The following MBD5 variants were observed in gnomAD, a reference collection of about 807,000 sequenced individuals.
MBD5 encodes the protein methyl-CpG-binding domain protein 5.
In MBD5, 13 loss-of-function variants were observed where a neutral mutation model predicts 117.3. The ratio of observed to expected loss-of-function variants is 0.11; its 90% confidence interval spans 0.07 to 0.18. MBD5 has a LOEUF of 0.18. MBD5 is among the 10% of genes least tolerant of loss of function. The probability of loss-of-function intolerance (pLI) is 1.00; values close to 1 mark genes in which losing one functional copy is unlikely to be tolerated. For missense variants in MBD5, 1,879 were observed against 2,093.8 expected, an observed-to-expected ratio of 0.90 and a Z score of 2.00; for synonymous variants, 727 against 766.4, an observed-to-expected ratio of 0.95 and a Z score of 0.85.
intron 1 of MBD5, among the ~76,000 whole-genome samples, chr2:148,145,546 TC>T (rs1382911645): frequency 5.3e-5 from 8 of 152,180 alleles, no homozygotes; most frequent in African/African-American, 1.7e-4. Context: ...AGGGAATGCT[TC>T]CAGTTTTTGC....
At chr2:148,050,672 C>T (rs1379947296) in intron 1 of MBD5, among the ~76,000 whole-genome samples, 1 of 152,090 alleles carries the variant, frequency 6.6e-6, no homozygotes, top group Admixed American at 6.5e-5. Context: ...TATATCCCCC[C>T]ATTGAATTGC....
chr2:148,124,340 G>A (rs1574039416), intron 1 of MBD5, among the ~76,000 whole-genome samples: 1 of 151,944 alleles, frequency 6.6e-6, no homozygotes, highest in East Asian at 1.9e-4. Flanking sequence ...TGAAGGTTGG[G>A]CACATTTGCT....
At chr2:148,306,243 T>C (rs1489160303) in intron 3 of MBD5, among the ~76,000 whole-genome samples, 1 of 152,140 alleles carries the variant, frequency 6.6e-6, no homozygotes, top group Non-Finnish European at 1.5e-5. Context: ...CTGTATTCAA[T>C]TGTAAGAACG....
intron 1 of MBD5, among the ~76,000 whole-genome samples, chr2:148,155,300 A>G (rs1697842822): frequency 1.3e-5 from 2 of 152,166 alleles, no homozygotes; most frequent in Admixed American, 1.3e-4. Context: ...CAGGATGAGG[A>G]AACAGCAGCT....
At chr2:148,263,131 C>T (rs1700770928) in intron 3 of MBD5, among the ~76,000 whole-genome samples, 2 of 152,076 alleles carry the variant, frequency 1.3e-5, no homozygotes, top group Non-Finnish European at 2.9e-5. Context: ...TTTTATTCTC[C>T]ATAAATTTTG....
chr2:148,334,363 T>G (rs1051237448), intron 3 of MBD5, among the ~76,000 whole-genome samples: 1 of 152,040 alleles, frequency 6.6e-6, no homozygotes, highest in Non-Finnish European at 1.5e-5. Flanking sequence ...AGACAAGGTC[T>G]CATTCTGTCA....
chr2:148,157,403 G>T (rs1697901193), intron 1 of MBD5, among the ~76,000 whole-genome samples: 1 of 150,910 alleles, frequency 6.6e-6, no homozygotes, highest in Admixed American at 6.7e-5. Context: ...TTAAAAGCAT[G>T]GTATTTTATC....
At chr2:148,454,585 C>G (rs753922006) in intron 4 of MBD5, among the ~76,000 whole-genome samples, 11 of 151,810 alleles carry the variant, frequency 7.2e-5, no homozygotes, top group Non-Finnish European at 1.2e-4. Flanking sequence ...AAAACATAAC[C>G]CAGAAGGATA....
chr2:148,489,756 C>T lies in MBD5; in HGVS notation c.4124C>T (p.Ala1375Val), dbSNP rs767306594. 20 of 1,614,012 alleles carry T rather than the reference C, an allele frequency of 1.2e-5. No homozygotes were observed. Among genetic ancestry groups the T allele is most frequent in the Middle Eastern group, 1.6e-4 (1 of 6,062 alleles). ...DPLNLSSAVS[A>V]VIHGRNMGGV... ...TTAAATCTCTCCAGTGCTGTCAGTG[C>T]GGTCATTCATGGACGGAACATGGGA... Residue 1375 changes from alanine to valine, a missense_variant, in exon 11 of 14, where the codon GCG (alanine) becomes GTG (valine). Around this residue, in one of 4 missense-constraint regions of MBD5, gnomAD observed 1,666 missense variants for 1,792.2 expected, o/e 0.93. Transcript: ENST00000642680.
chr2:148,513,229 G>A lies in MBD5; in HGVS notation c.*288G>A, dbSNP rs886054916. The A allele has an allele frequency of 2.6e-5, 10 of 386,946 alleles. No homozygotes were observed. Among genetic ancestry groups the A allele is most frequent in the Non-Finnish European group, 4.7e-5 (10 of 210,882 alleles). 24.0% of individuals were successfully genotyped at this position (386,946 alleles called of 1,614,324 possible). Reference sequence around the variant, plus strand: ...TACTAAATTGTGATTATAAGAAATAGTCCAAATGTTTCTGAAGAATTTTCA... The same window carrying A: ...TACTAAATTGTGATTATAAGAAATAATCCAAATGTTTCTGAAGAATTTTCA... On this transcript the variant is annotated 3_prime_UTR_variant, in exon 14 of 14. Coordinates refer to ENST00000642680, the MANE Select transcript of MBD5 (RefSeq NM_001378120.1).
chr2:148,435,255 A>G (rs1706120713), intron 4 of MBD5, among the ~76,000 whole-genome samples: 2 of 152,128 alleles, frequency 1.3e-5, no homozygotes, highest in Non-Finnish European at 1.5e-5. Context: ...CATTTCGTCC[A>G]CTTACATTCA....
chr2:148,252,082 G>A (rs1049132362), intron 3 of MBD5, among the ~76,000 whole-genome samples: 4 of 152,118 alleles, frequency 2.6e-5, no homozygotes, highest in East Asian at 1.9e-4. Flanking sequence ...TATCAAGAGC[G>A]TCCAGGAATA....
intron 1 of MBD5, among the ~76,000 whole-genome samples, chr2:148,172,125 G>T (rs1034637655): frequency 2.0e-5 from 3 of 152,196 alleles, no homozygotes; most frequent in South Asian, 4.1e-4. Flanking sequence ...CCCCTGCAAA[G>T]AATCCAGCTG....
intron 2 of MBD5, among the ~76,000 whole-genome samples, chr2:148,229,611 C>G (rs1270081158): frequency 6.6e-6 from 1 of 152,150 alleles, no homozygotes; most frequent in East Asian, 1.9e-4. Context: ...TCTTCACTTT[C>G]TGTACTTACT....
chr2:148,379,895 G>A (rs766928594), intron 4 of MBD5, among the ~76,000 whole-genome samples: 3 of 152,092 alleles, frequency 2.0e-5, no homozygotes, highest in Non-Finnish European at 4.4e-5. Flanking sequence ...AATTTTGTAA[G>A]TCTATTTTTA....
chr2:148,512,840 GT>G (rs756734567), intron 13 of MBD5, 29 bp from the exon 14 acceptor site: 1 of 1,590,178 alleles, frequency 6.3e-7, no homozygotes, highest in East Asian at 2.2e-5. Context: ...CTCTGTTGTT[GT>G]TGTTTTTTTT....
intron 4 of MBD5, among the ~76,000 whole-genome samples, chr2:148,418,104 T>C (rs150867763): frequency 0.011 from 1,678 of 152,264 alleles, 16 homozygotes; most frequent in African/African-American, 0.036. Flanking sequence ...CCTCCCAAAG[T>C]GCTGGGATTA....
chr2:148,021,451 T>TTGCTGC lies in MBD5; in HGVS notation c.-1152_-1147dup, dbSNP rs201395673. On this transcript the variant is annotated 5_prime_UTR_variant, in exon 1 of 14. Transcript: ENST00000642680. ...AAAGCCTCTTAGCAACACAGACCCT[T>TTGCTGC]TGCTGCTGCTGTTGCTGCTGCTGCT... is the stretch of plus-strand genomic sequence containing the variant. 1 of 567,434 alleles carries TTGCTGC rather than the reference T, an allele frequency of 1.8e-6. No individual in the cohort carries two copies. Among genetic ancestry groups the TTGCTGC allele is most frequent in the Non-Finnish European group, 3.4e-6 (1 of 293,968 alleles). 35.1% of individuals were successfully genotyped at this position (567,434 alleles called of 1,614,324 possible). A position where few individuals can be genotyped will look rare whatever the true frequency, so the allele number is the denominator to read the frequency against.
In MBD5 at chr2:148,153,156, A is replaced by C. The variant is rs551459411; in HGVS notation, c.-924-25544A>C. On this transcript the variant is annotated intron_variant, in intron 1 of 13. Transcript: ENST00000642680. ...CCTGGTGGTGACAAAATCTCTCAGC[A>C]TTTGCTTGTCTGTAAAGTATTTTAT... Among the ~76,000 whole-genome samples the C allele has an allele frequency of 1.5e-4, 22 of 151,100 alleles. No individual in the cohort carries two copies. In the South Asian group the frequency reaches 4.4e-3, roughly 31 times the overall value.
Sources: allele counts gnomAD v4.1 joint callset (sites outside exome capture counted in the v4.1 genomes callset), GRCh38; gene constraint gnomAD v4.1.1; regional missense constraint gnomAD v4.1.1; transcripts MANE v1.5; gene names NCBI Gene and HGNC (gene_info 2026-07-23, HGNC 2026-07-21).